The following LAPTM5 variants were observed in gnomAD, a reference collection of about 807,000 sequenced individuals.
The protein encoded by LAPTM5 is lysosomal protein transmembrane 5.
LAPTM5 carries 11 observed loss-of-function variants against 30.1 expected under a neutral mutation model. The observed-to-expected ratio is 0.37, with a 90% confidence interval of 0.23 to 0.60. LAPTM5 has a LOEUF of 0.60. Ranked by LOEUF, LAPTM5 falls within the 20% of genes least tolerant of loss-of-function variation. LAPTM5 has a pLI of 0.71. For synonymous variants in LAPTM5, 151 were observed against 137.9 expected, an observed-to-expected ratio of 1.10 and a Z score of -0.67; for missense variants, 324 against 332.5, an observed-to-expected ratio of 0.97 and a Z score of 0.20.
At chr1:30,744,963 A>G (rs1238859361) in intron 1 of LAPTM5, among the ~76,000 whole-genome samples, 2 of 152,180 alleles carry the variant, frequency 1.3e-5, no homozygotes, top group African/African-American at 2.4e-5. Flanking sequence ...AAATTATATG[A>G]TGGAAAAATT....
chr1:30,757,629 C>T (rs781395344), intron 1 of LAPTM5, 30 bp downstream of exon 1: 60 of 1,605,740 alleles, frequency 3.7e-5, no homozygotes, highest in African/African-American at 6.7e-5. Flanking sequence ...CAAGCACGCA[C>T]GCACACACAC....
At chr1:30,743,824 G>C (rs1853449) in intron 1 of LAPTM5, among the ~76,000 whole-genome samples, 1 of 99,554 alleles carries the variant, frequency 1.0e-5, no homozygotes, top group Non-Finnish European at 1.9e-5. Context: ...TTTTAGCTCA[G>C]ACACAGGTCT....
At chr1:30,751,338 C>T (rs984154073) in intron 1 of LAPTM5, among the ~76,000 whole-genome samples, 1 of 152,268 alleles carries the variant, frequency 6.6e-6, no homozygotes, top group Non-Finnish European at 1.5e-5. Flanking sequence ...CTGTCCAGCC[C>T]AGGGGCACTG....
chr1:30,750,977 G>T (rs1640129912), intron 1 of LAPTM5, among the ~76,000 whole-genome samples: 1 of 152,234 alleles, frequency 6.6e-6, no homozygotes, highest in Admixed American at 6.5e-5. Flanking sequence ...CCTTGGCAGG[G>T]TGGGGTCCCC....
intron 3 of LAPTM5, among the ~76,000 whole-genome samples, chr1:30,740,429 C>T (rs1639953451): frequency 6.7e-6 from 1 of 150,212 alleles, no homozygotes; most frequent in Admixed American, 6.6e-5. Flanking sequence ...CCACCACGCC[C>T]CGCATACAAT....
rs144620246 is a variant in LAPTM5 at position 30,737,631 on chromosome 1, G to A, written c.579C>T (p.Ile193=). 5.4e-5 allele frequency: 87 copies of A among 1,613,554 alleles called. No individual in the cohort carries two copies. The highest frequency in any genetic ancestry group is 7.7e-5 in the South Asian group (7 of 91,000). Residue 193 remains isoleucine (I), a synonymous_variant, in exon 6 of 8, where the codon ATC becomes ATT. Coordinates refer to ENST00000294507, the MANE Select transcript of LAPTM5 (RefSeq NM_006762.3). ...TGAAGATAAGGACAGTGATGAAGGC[G>A]ATGGAAAAGATGATCATCATCTTGA... ...QFIKMMIIFS[I]AFITVLIFKV... is the part of the protein sequence containing the mutation.
intron 1 of LAPTM5, among the ~76,000 whole-genome samples, chr1:30,748,374 C>G (rs1640079824): frequency 6.6e-6 from 1 of 152,110 alleles, no homozygotes; most frequent in African/African-American, 2.4e-5. Context: ...CCCTCCCCCT[C>G]AGGGCTGCTC....
chr1:30,734,166 T>C (rs985217396), intron 7 of LAPTM5, among the ~76,000 whole-genome samples: 2 of 152,182 alleles, frequency 1.3e-5, no homozygotes, highest in Non-Finnish European at 2.9e-5. Flanking sequence ...GTGCACCATT[T>C]TCCTTGGGAA....
At chr1:30,733,981 G>T (rs1045808568) in intron 7 of LAPTM5, 64 bp from the exon 8 acceptor site, 2 of 1,546,678 alleles carry the variant, frequency 1.3e-6, no homozygotes, top group Non-Finnish European at 1.7e-6. Context: ...CCAACCTGGG[G>T]TCATGGGACC....
intron 1 of LAPTM5, among the ~76,000 whole-genome samples, chr1:30,748,252 C>T (rs1318478349): frequency 1.3e-5 from 2 of 152,188 alleles, no homozygotes; most frequent in African/African-American, 2.4e-5. Flanking sequence ...ACCAAATGTG[C>T]GAGCCCAGGA....
intron 5 of LAPTM5, 76 bp downstream of exon 5, chr1:30,738,864 A>G: frequency 6.7e-7 from 1 of 1,482,414 alleles, no homozygotes; most frequent in East Asian, 2.5e-5. Flanking sequence ...TAAACCACAG[A>G]CACACAGAGA....
At chr1:30,751,120 A>G (rs921348575) in intron 1 of LAPTM5, among the ~76,000 whole-genome samples, 1 of 152,262 alleles carries the variant, frequency 6.6e-6, no homozygotes, top group African/African-American at 2.4e-5. Flanking sequence ...AGTCTCGGCC[A>G]GGCCAGGCTA....
chr1:30,755,650 G>T (rs1640198546), intron 1 of LAPTM5, among the ~76,000 whole-genome samples: 1 of 152,160 alleles, frequency 6.6e-6, no homozygotes, highest in Non-Finnish European at 1.5e-5. Flanking sequence ...GAGGACATCG[G>T]ATGGCACGAT....
intron 6 of LAPTM5, 22 bp from the exon 7 acceptor site, chr1:30,735,287 G>T (rs759421669): frequency 1.3e-6 from 2 of 1,599,438 alleles, no homozygotes; most frequent in Admixed American, 1.7e-5. Flanking sequence ...CCCAGGTCAG[G>T]CTGTGCTTTG....
chr1:30,734,180 A>G (rs1639855698), intron 7 of LAPTM5, among the ~76,000 whole-genome samples: 1 of 152,156 alleles, frequency 6.6e-6, no homozygotes, highest in Admixed American at 6.5e-5. Context: ...TTGGGAAAAC[A>G]TTCTCAGTCC....
intron 6 of LAPTM5, among the ~76,000 whole-genome samples, chr1:30,737,153 C>T (rs1416075887): frequency 2.0e-5 from 3 of 152,180 alleles, no homozygotes; most frequent in Non-Finnish European, 2.9e-5. Flanking sequence ...TGAGACCATT[C>T]CCCTCCTGCC....
chr1:30,741,813 A>C (rs970257554), intron 2 of LAPTM5, 97 bp from the exon 3 acceptor site: 3 of 822,160 alleles, frequency 3.6e-6, no homozygotes, highest in Non-Finnish European at 5.7e-6. Flanking sequence ...GTTTGGGGAC[A>C]TGAGGATGCA....
rs1476471768 is a variant in LAPTM5 at position 30,733,270 on chromosome 1, A to G, written c.*558T>C. 4.6e-6 allele frequency: 1 copy of G among 219,142 alleles called. No individual in the cohort carries two copies. Among genetic ancestry groups the G allele is most frequent in the East Asian group, 1.3e-4 (1 of 7,460 alleles). 13.6% of individuals were successfully genotyped at this position (219,142 alleles called of 1,614,324 possible). A position where few individuals can be genotyped will look rare whatever the true frequency, so the allele number is the denominator to read the frequency against. On this transcript the variant is annotated 3_prime_UTR_variant, in exon 8 of 8. Coordinates refer to ENST00000294507, the MANE Select transcript of LAPTM5 (RefSeq NM_006762.3). ...CACTATTCTGTGTATTCTATTTATC[A>G]CTATTCTAAATGACTCATGGTTGGC...
At chr1:30,757,092 C>T (rs368140512) in intron 1 of LAPTM5, among the ~76,000 whole-genome samples, 3 of 152,176 alleles carry the variant, frequency 2.0e-5, no homozygotes, top group Non-Finnish European at 4.4e-5. Context: ...GGCAGAAGGC[C>T]GTGGTTTGAC....
Sources: allele counts gnomAD v4.1 joint callset (sites outside exome capture counted in the v4.1 genomes callset), GRCh38; gene constraint gnomAD v4.1.1; transcripts MANE v1.5; gene names NCBI Gene and HGNC (gene_info 2026-07-23, HGNC 2026-07-21).